The following GALM variants were observed in gnomAD, a reference collection of about 807,000 sequenced individuals.
The protein encoded by GALM is galactose mutarotase.
GALM carries 43 observed loss-of-function variants against 37.4 expected under a neutral mutation model. That is an observed-to-expected ratio of 1.15 (90% CI 0.90 to 1.48). GALM has a LOEUF of 1.48. Ranked by LOEUF, GALM falls within the 40% of genes most tolerant of loss-of-function variation. The pLI, the probability that GALM is intolerant of heterozygous loss-of-function variation, is 0.00. For missense variants in GALM, 456 were observed against 419.1 expected, an observed-to-expected ratio of 1.09 and a Z score of -0.77; for synonymous variants, 199 against 170.6, an observed-to-expected ratio of 1.17 and a Z score of -1.30.
chr2:38,711,452 C>T (rs1012546580), intron 4 of GALM, among the ~76,000 whole-genome samples: 3 of 152,090 alleles, frequency 2.0e-5, no homozygotes, highest in Admixed American at 6.5e-5. Flanking sequence ...TGAGCCACCA[C>T]ACCTGGCCTT....
At chr2:38,671,355 G>T (rs1329527284) in intron 1 of GALM, 1 of 152,326 alleles carries the variant, frequency 6.6e-6, no homozygotes, top group Non-Finnish European at 1.5e-5. Flanking sequence ...TTGACTCACA[G>T]TTCCTCATGG....
At chr2:38,723,412 C>T (rs760032935) in intron 4 of GALM, among the ~76,000 whole-genome samples, 56 of 152,332 alleles carry the variant, frequency 3.7e-4, no homozygotes, top group African/African-American at 1.3e-3. Flanking sequence ...CTGTCACTCA[C>T]GAGTCAGAGC....
chr2:38,676,549 G>C (rs1466467951), intron 2 of GALM, among the ~76,000 whole-genome samples: 1 of 152,200 alleles, frequency 6.6e-6, no homozygotes, highest in Non-Finnish European at 1.5e-5. Flanking sequence ...GGTCACCTGA[G>C]GTCAGGAGTT....
intron 3 of GALM, among the ~76,000 whole-genome samples, chr2:38,685,372 T>G (rs2148431976): frequency 6.6e-6 from 1 of 152,340 alleles, no homozygotes; most frequent in Non-Finnish European, 1.5e-5. Context: ...CCATGGCTTG[T>G]GGGTAGTAAC....
chr2:38,710,607 G>A (rs1355807630), intron 4 of GALM, among the ~76,000 whole-genome samples: 1 of 152,112 alleles, frequency 6.6e-6, no homozygotes, highest in Admixed American at 6.6e-5. Flanking sequence ...GTCTCACTAT[G>A]TTGCCCAGGC....
chr2:38,731,970 A>C lies in GALM; in HGVS notation c.951+61A>C, dbSNP rs576082494. On this transcript the variant is annotated intron_variant, in intron 6 of 6. Coordinates refer to ENST00000272252, the MANE Select transcript of GALM (RefSeq NM_138801.3). ...TGTCCAAGGTCACACTGTACGACAG[A>C]GTTCACTACACTCGAATCAGCTTGT... is the stretch of plus-strand genomic sequence containing the variant. 1.3e-4 allele frequency: 163 copies of C among 1,290,632 alleles called. 3 individuals are homozygous for C. The East Asian group carries it at 3.7e-3, about 29-fold the overall frequency. 79.9% of individuals were successfully genotyped at this position (1,290,632 alleles called of 1,614,324 possible).
chr2:38,723,858 CTT>C (rs1470995817), intron 4 of GALM, among the ~76,000 whole-genome samples: 1 of 152,120 alleles, frequency 6.6e-6, no homozygotes, highest in Non-Finnish European at 1.5e-5. Flanking sequence ...CCAACCTTCT[CTT>C]TGTTTTCCAG....
intron 4 of GALM, among the ~76,000 whole-genome samples, chr2:38,697,996 TAC>T (rs1665845438): frequency 6.6e-6 from 1 of 151,868 alleles, no homozygotes; most frequent in African/African-American, 2.4e-5. Context: ...AGGCTGGAAG[TAC>T]AGTGGTGCAG....
rs371526259 is a variant in GALM, at chr2:38,675,998, A to T, written c.277A>T (p.Lys93Ter). The part of the protein sequence containing the change: ...IAKGTFKVDG[K>*]EYHLAINKEP... The stretch of plus-strand genomic sequence containing the variant: ...CAAAGGAACCTTCAAGGTGGATGGG[A>T]AGGAGTATCACCTGGCCATTAACAA... Residue 93 changes from lysine (K) to a stop codon, truncating the protein, a stop_gained, in exon 2 of 7, where the codon AAG becomes TAG. Coordinates refer to ENST00000272252, the MANE Select transcript of GALM (RefSeq NM_138801.3). LOFTEE classifies it high-confidence loss of function. 190 of 1,613,872 alleles carry T rather than the reference A, an allele frequency of 1.2e-4. No individual in the cohort carries two copies. The highest frequency in any genetic ancestry group is 1.5e-4 in the Non-Finnish European group (181 of 1,179,934).
In GALM at chr2:38,723,938, G is replaced by A. The variant is rs114806628; in HGVS notation, c.635-5618G>A. Among the ~76,000 whole-genome samples the A allele has an allele frequency of 2.4e-3, 360 of 152,124 alleles. 1 individual carries two copies. Among genetic ancestry groups the A allele is most frequent in the Middle Eastern group, 0.01 (3 of 294 alleles). ...CAATTCTGTGATTCTCTCTTTTTTT[G>A]AGACTCAGTCTCACTATGTTGCCCA... On this transcript the variant is annotated intron_variant, in intron 4 of 6. Coordinates refer to ENST00000272252, the MANE Select transcript of GALM (RefSeq NM_138801.3).
chr2:38,708,464 G>A (rs960288855), intron 4 of GALM, among the ~76,000 whole-genome samples: 18 of 152,064 alleles, frequency 1.2e-4, no homozygotes, highest in South Asian at 2.1e-4. Flanking sequence ...GCTGTCGCCT[G>A]GGCACAGTGG....
intron 4 of GALM, among the ~76,000 whole-genome samples, chr2:38,725,547 C>CAT (rs34350782): frequency 0.23 from 32,522 of 141,192 alleles, 3,940 homozygotes; most frequent in Admixed American, 0.27. Flanking sequence ...TAAACACACA[C>CAT]ATACACACAC....
At chr2:38,687,995 T>G (rs540123998) in intron 3 of GALM, among the ~76,000 whole-genome samples, 1 of 152,072 alleles carries the variant, frequency 6.6e-6, no homozygotes, top group Non-Finnish European at 1.5e-5. Flanking sequence ...GTGGATCACC[T>G]GAGGTCAGGA....
intron 4 of GALM, among the ~76,000 whole-genome samples, chr2:38,721,335 C>T (rs1476115276): frequency 6.6e-6 from 1 of 152,186 alleles, no homozygotes; most frequent in East Asian, 1.9e-4. Context: ...ATCAGATCTA[C>T]TTCATCTTCT....
intron 4 of GALM, among the ~76,000 whole-genome samples, chr2:38,725,931 C>G (rs1026505597): frequency 2.6e-5 from 4 of 151,818 alleles, no homozygotes; most frequent in Non-Finnish European, 5.9e-5. Flanking sequence ...AGGCTGGTCT[C>G]AAACTCCTGA....
chr2:38,680,130 C>A, intron 2 of GALM: 1 of 443,942 alleles, frequency 2.3e-6, no homozygotes, highest in Non-Finnish European at 4.5e-6. Flanking sequence ...GCGATCCTCC[C>A]TTCTCAGCCT....
At chr2:38,722,029 T>TCCCCCC (rs1558596017) in intron 4 of GALM, among the ~76,000 whole-genome samples, 4 of 18,674 alleles carry the variant, frequency 2.1e-4, no homozygotes, top group East Asian at 3.5e-3. Context: ...ATGCCTTCCC[T>TCCCCCC]TCCCCCCCCC....
rs1435121725 is a variant in GALM at position 38,696,598 on chromosome 2, A to AT, written c.634+6710dup. Among the ~76,000 whole-genome samples, 10 of 150,348 alleles carry AT rather than the reference A, an allele frequency of 6.7e-5. No homozygotes were observed. In the East Asian group the frequency reaches 2.0e-3, roughly 29 times the overall value. ...AGGTGCACATCACCATACCCAGGTA[A>AT]TTTTTTCTTTTTTTACACGAAAATG... On this transcript the variant is annotated intron_variant, in intron 4 of 6. Coordinates refer to ENST00000272252, the MANE Select transcript of GALM (RefSeq NM_138801.3).
intron 2 of GALM, among the ~76,000 whole-genome samples, chr2:38,678,017 C>CTT (rs372206191): frequency 0.049 from 6,750 of 138,262 alleles, 209 homozygotes; most frequent in Non-Finnish European, 0.067. Context: ...ACTTTGAACT[C>CTT]TTTTTTTTTT....
Sources: allele counts gnomAD v4.1 joint callset (sites outside exome capture counted in the v4.1 genomes callset), GRCh38; gene constraint gnomAD v4.1.1; transcripts MANE v1.5; gene names NCBI Gene and HGNC (gene_info 2026-07-23, HGNC 2026-07-21).